The following SH3KBP1 variants were observed in gnomAD, a reference collection of about 807,000 sequenced individuals.
The protein encoded by SH3KBP1 is SH3 domain-containing kinase-binding protein 1.
In SH3KBP1, 8 loss-of-function variants were observed where a neutral mutation model predicts 50.1. The observed-to-expected ratio is 0.16, with a 90% CI of 0.09 to 0.29. The LOEUF is 0.29. Ranked by LOEUF, SH3KBP1 falls within the 10% of genes least tolerant of loss-of-function variation. The pLI is 1.00. For synonymous variants in SH3KBP1, 227 were observed against 218.6 expected (o/e 1.04, Z -0.34); for missense variants, 377 against 535.2 (o/e 0.70, Z 2.92).
In SH3KBP1 at chrX:19,706,960, T is replaced by C. The variant is rs1185238085; in HGVS notation, c.311A>G (p.Gln104Arg). 1.5e-5 allele frequency: 18 copies of C among 1,211,398 alleles called. No individual in the cohort carries two copies. Among genetic ancestry groups the C allele is most frequent in the Non-Finnish European group, 2.0e-5 (18 of 894,988 alleles). The stretch of plus-strand genomic sequence containing the variant: ...CTGGGGCAGGTAGCTGAATGCCACC[T>C]GGCACCGGCGCCTCCGTCGCTCGCC... The part of the protein sequence containing the change: ...KRGERRRRRC[Q>R]VAFSYLPQND... Residue 104 changes from glutamine to arginine, a missense_variant, in exon 4 of 18, where the codon CAG becomes CGG. This residue lies in a region of SH3KBP1 where 257 missense variants were observed against 374.2 expected (regional missense o/e 0.69). Transcript: ENST00000397821.
chrX:19,708,469 C>G (rs1329821492), intron 3 of SH3KBP1, among the ~76,000 whole-genome samples: 1 of 111,614 alleles, frequency 9.0e-6, no homozygotes, highest in African/African-American at 3.3e-5. Flanking sequence ...CTGAGTAGTG[C>G]AACCCCAAGG....
At chrX:19,645,142 T>G (rs928761737) in intron 7 of SH3KBP1, among the ~76,000 whole-genome samples, 51 of 111,923 alleles carry the variant, frequency 4.6e-4, no homozygotes, top group Non-Finnish European at 7.7e-4. Flanking sequence ...ACCCTAGCTC[T>G]TCATACGAGT....
chrX:19,593,813 G>A (rs1264995914), intron 10 of SH3KBP1, among the ~76,000 whole-genome samples: 1 of 111,831 alleles, frequency 8.9e-6, no homozygotes, highest in Admixed American at 9.5e-5. Context: ...ACAGGGAAAG[G>A]GGTCTTCAGA....
chrX:19,584,767 C>T (rs1209036552), intron 12 of SH3KBP1, among the ~76,000 whole-genome samples: 1 of 112,200 alleles, frequency 8.9e-6, no homozygotes, highest in African/African-American at 3.2e-5. Flanking sequence ...CTCTGAAAGC[C>T]GCACTTGGCA....
chrX:19,846,869 A>G (rs1395562301), intron 1 of SH3KBP1, among the ~76,000 whole-genome samples: 1 of 111,940 alleles, frequency 8.9e-6, no homozygotes, highest in Non-Finnish European at 1.9e-5. Flanking sequence ...AAGGACTATC[A>G]TGGAAAGCAA....
chrX:19,864,372 A>T (rs866828698), intron 1 of SH3KBP1, among the ~76,000 whole-genome samples: 7 of 111,610 alleles, frequency 6.3e-5, no homozygotes, highest in African/African-American at 9.8e-5. Context: ...AAGGGAATGA[A>T]AGTTGCAGAT....
At chrX:19,542,379 C>T (rs1236499745) in intron 15 of SH3KBP1, among the ~76,000 whole-genome samples, 186 bp from the exon 16 acceptor site, 2 of 112,172 alleles carry the variant, frequency 1.8e-5, no homozygotes, top group Admixed American at 1.9e-4. Context: ...CTTACTCACA[C>T]GCCGCCTTCT....
intron 16 of SH3KBP1, among the ~76,000 whole-genome samples, chrX:19,541,521 T>C (rs1378345072): frequency 8.9e-6 from 1 of 112,289 alleles, no homozygotes; most frequent in East Asian, 2.8e-4. Context: ...ATCTGGCAGC[T>C]AAGTGAAGAA....
At chrX:19,831,412 C>CAAA (rs1168426297) in intron 2 of SH3KBP1, among the ~76,000 whole-genome samples, 9 of 47,599 alleles carry the variant, frequency 1.9e-4, no homozygotes, top group African/African-American at 7.1e-4. Context: ...CAACCCATCT[C>CAAA]AAAAAAAAAA....
chrX:19,691,309 G>A (rs969692552), intron 5 of SH3KBP1, among the ~76,000 whole-genome samples: 4 of 99,043 alleles, frequency 4.0e-5, no homozygotes, highest in Non-Finnish European at 8.0e-5. Flanking sequence ...GCACGCATGC[G>A]CACTCAATCT....
At chrX:19,886,982 A>C (rs2069606492) in intron 1 of SH3KBP1, among the ~76,000 whole-genome samples, 2 of 110,206 alleles carry the variant, frequency 1.8e-5, no homozygotes, top group African/African-American at 6.6e-5. Flanking sequence ...TCGGGTGCAA[A>C]AATGGCCAAG....
Position 19,535,177 on chromosome X carries a change from C to G in SH3KBP1, c.*1240G>C, listed in dbSNP as rs978211742. ...CTAAGGCTGAACTGTTCATGTACTA[C>G]AAAGATAAAGCGGACAGGCAAACAT... On this transcript the variant is annotated 3_prime_UTR_variant, in exon 18 of 18. Transcript: ENST00000397821. 3.2e-5 allele frequency: 8 copies of G among 248,487 alleles called. No individual in the cohort carries two copies. The highest frequency in any genetic ancestry group is 4.2e-5 in the Non-Finnish European group (6 of 141,417). The allele number at this position is 248,487 out of a possible 1,213,427, so 20.5% of individuals were successfully genotyped here. A position where few individuals can be genotyped will look rare whatever the true frequency, so the allele number is the denominator to read the frequency against.
intron 6 of SH3KBP1, among the ~76,000 whole-genome samples, chrX:19,653,136 T>G (rs768078691): frequency 1.8e-5 from 2 of 111,101 alleles, no homozygotes; most frequent in Non-Finnish European, 3.8e-5. Flanking sequence ...ACCACAGGTG[T>G]GTACCACCCT....
At chrX:19,743,033 C>T (rs1184391583) in intron 3 of SH3KBP1, among the ~76,000 whole-genome samples, 2 of 111,782 alleles carry the variant, frequency 1.8e-5, no homozygotes, top group Non-Finnish European at 3.8e-5. Flanking sequence ...GGTTCTAATG[C>T]CAGAATGTGT....
At chrX:19,837,731 G>A (rs1354291744) in intron 1 of SH3KBP1, among the ~76,000 whole-genome samples, 2 of 110,633 alleles carry the variant, frequency 1.8e-5, no homozygotes, top group African/African-American at 6.6e-5. Flanking sequence ...ATGAGCCACC[G>A]TGCCCAGCCA....
intron 8 of SH3KBP1, among the ~76,000 whole-genome samples, chrX:19,624,998 C>T (rs1017304163): frequency 8.9e-6 from 1 of 111,992 alleles, no homozygotes; most frequent in African/African-American, 3.2e-5. Flanking sequence ...CTTGGAACCA[C>T]ATTTAATCCT....
intron 3 of SH3KBP1, among the ~76,000 whole-genome samples, chrX:19,735,737 TG>T (rs1179856081): frequency 1.4e-4 from 2 of 14,264 alleles, no homozygotes; most frequent in Admixed American, 2.0e-3. Flanking sequence ...GGGGGGGGGG[TG>T]GGGGGGACGG....
intron 7 of SH3KBP1, among the ~76,000 whole-genome samples, chrX:19,637,488 G>A (rs1326998888): frequency 8.9e-6 from 1 of 111,914 alleles, no homozygotes; most frequent in African/African-American, 3.3e-5. Flanking sequence ...GGCTTAAAGT[G>A]TCAGAGTATC....
At chrX:19,807,301 T>C (rs1014055015) in intron 2 of SH3KBP1, among the ~76,000 whole-genome samples, 4 of 112,027 alleles carry the variant, frequency 3.6e-5, no homozygotes, top group Admixed American at 9.5e-5. Context: ...TCCCTAGAGG[T>C]TGGCCATGAC....
Sources: gnomAD v4.1 joint callset for allele counts (sites outside exome capture counted in the v4.1 genomes callset) on GRCh38, gnomAD v4.1.1 for gene constraint, gnomAD v4.1.1 regional missense constraint, MANE v1.5 for transcripts, NCBI Gene and HGNC (gene_info 2026-07-23, HGNC 2026-07-21) for gene names.